Variants in ETF1 observed in about 807,000 individuals in gnomAD.
ETF1 encodes the protein eukaryotic translation termination factor 1, also known as eukaryotic peptide chain release factor subunit 1.
A neutral mutation model predicts 55.1 loss-of-function variants in ETF1; 4 were observed. The ratio of observed to expected loss-of-function variants is 0.07; its 90% confidence interval spans 0.04 to 0.17. ETF1 has a LOEUF of 0.17. ETF1 is among the 10% of genes least tolerant of loss of function. The probability of loss-of-function intolerance (pLI) is 1.00; values close to 1 mark genes in which losing one functional copy is unlikely to be tolerated. For synonymous variants in ETF1, 157 were observed against 182.3 expected, an observed-to-expected ratio of 0.86 and a Z score of 1.12; for missense variants, 142 against 523.6, an observed-to-expected ratio of 0.27 and a Z score of 7.11.
intron 4 of ETF1, among the ~76,000 whole-genome samples, chr5:138,515,209 T>A (rs1487620974): frequency 3.9e-5 from 6 of 152,130 alleles, no homozygotes; most frequent in Non-Finnish European, 7.3e-5. Flanking sequence ...GGTGGATCAC[T>A]CGAGGTCAGG....
At chr5:138,543,017 G>C (rs531955579) in intron 1 of ETF1, 80 bp downstream of exon 1, 16 of 1,316,932 alleles carry the variant, frequency 1.2e-5, no homozygotes, top group Non-Finnish European at 1.7e-5. Flanking sequence ...CCCCTTCCTC[G>C]CCATCCCCCA....
chr5:138,522,866 C>T lies in ETF1; in HGVS notation c.87-3999G>A, dbSNP rs530072764. 9.5e-4 allele frequency among the ~76,000 whole-genome samples: 144 copies of T among 151,940 alleles called. 2 individuals are homozygous for T. Among genetic ancestry groups the T allele is most frequent in the African/African-American group, 3.1e-3 (129 of 41,436 alleles). On this transcript the variant is annotated intron_variant, in intron 2 of 10. Coordinates refer to ENST00000360541, the MANE Select transcript of ETF1 (RefSeq NM_004730.4). ...CTAAAAATACAAAAAATTAGCCGGG[C>T]GCAGTGGCAGGCGCCTGTAGTCTCA...
chr5:138,531,909 TG>T (rs1447797329), intron 2 of ETF1, among the ~76,000 whole-genome samples: 1 of 151,974 alleles, frequency 6.6e-6, no homozygotes, highest in African/African-American at 2.4e-5. Context: ...TAGCCGGGCG[TG>T]GTGGCGGGCG....
chr5:138,540,423 A>G (rs1390102431), intron 2 of ETF1, among the ~76,000 whole-genome samples: 1 of 152,178 alleles, frequency 6.6e-6, no homozygotes, highest in Non-Finnish European at 1.5e-5. Context: ...TTCTAAAGAT[A>G]TTTTATCACT....
intron 4 of ETF1, among the ~76,000 whole-genome samples, chr5:138,515,101 C>A (rs1406512522): frequency 6.6e-6 from 1 of 152,234 alleles, no homozygotes; most frequent in Admixed American, 6.5e-5. Flanking sequence ...AAGAATCCAT[C>A]TTTAACAAAC....
chr5:138,518,034 TCTACGAAAAA>T (rs1765090974), intron 3 of ETF1: 1 of 207,698 alleles, frequency 4.8e-6, no homozygotes, highest in Non-Finnish European at 8.4e-6. Flanking sequence ...AAACCCCATC[TCTACGAAAAA>T]TACAAAAAGT....
intron 2 of ETF1, among the ~76,000 whole-genome samples, chr5:138,529,959 T>C (rs1765627614): frequency 6.6e-6 from 1 of 152,114 alleles, no homozygotes; most frequent in Non-Finnish European, 1.5e-5. Flanking sequence ...CCCAGGCTGG[T>C]CACGAACTCT....
intron 9 of ETF1, 34 bp downstream of exon 9, chr5:138,510,531 C>T (rs1464745431): frequency 1.3e-6 from 2 of 1,509,512 alleles, no homozygotes; most frequent in Admixed American, 3.3e-5. Context: ...TTTACGCTTG[C>T]ACGTATCATC....
At position 138,524,867 on chromosome 5, in the gene ETF1, T is replaced by C. The variant is rs190847262; in HGVS notation, c.87-6000A>G. Among the ~76,000 whole-genome samples, 1,466 of 152,036 alleles carry C rather than the reference T, an allele frequency of 9.6e-3. 11 individuals carry two copies. Among genetic ancestry groups the C allele is most frequent in the Non-Finnish European group, 0.015 (1,003 of 67,974 alleles). ...CTGGGATTACAGGCATGAGCCACCG[T>C]GCCCGGCCAGGATATTTCTTTCTTT... is the stretch of plus-strand genomic sequence containing the variant. On this transcript the variant is annotated intron_variant, in intron 2 of 10. Transcript: ENST00000360541.
In ETF1 at chr5:138,510,357, CAAAAAAAAAAAAAAAAAAAA is replaced by C. The variant is rs57906231; in HGVS notation, c.1083+188_1083+207del. On this transcript the variant is annotated intron_variant, in intron 9 of 10. Transcript: ENST00000360541. ...TGGGCAACAGAGCAAGACCTTGTCT[CAAAAAAAAAAAAAAAAAAAA>C]AAAAAAAAAAAGCTGCAGCTCCTTC... Among the ~76,000 whole-genome samples the C allele has an allele frequency of 3.4e-4, 22 of 64,806 alleles. 1 individual carries two copies. The East Asian group carries it at 7.5e-3, about 22-fold the overall frequency. 42.5% of individuals were successfully genotyped at this position (64,806 alleles called of 152,430 possible).
At chr5:138,514,029 A>T in intron 4 of ETF1, 4 of 553,430 alleles carry the variant, frequency 7.2e-6, no homozygotes, top group Non-Finnish European at 9.2e-6. Flanking sequence ...AATACTACTC[A>T]ATCTCAAAAA....
At chr5:138,511,370 A>ATACATACAATCACG (rs1370337811) in intron 7 of ETF1, 105 bp downstream of exon 7, 3 of 1,529,962 alleles carry the variant, frequency 2.0e-6, no homozygotes, top group Non-Finnish European at 2.6e-6. Flanking sequence ...ACCTTGTCTC[A>ATACATACAATCACG]TACATACAAT....
intron 2 of ETF1, among the ~76,000 whole-genome samples, chr5:138,524,925 TTTTAC>T: frequency 6.6e-6 from 1 of 152,016 alleles, no homozygotes; most frequent in South Asian, 2.1e-4. Flanking sequence ...TTTTTTTCTT[TTTTAC>T]ATTTTTGGAA....
At chr5:138,542,122 C>G (rs976317460) in intron 2 of ETF1, among the ~76,000 whole-genome samples, 1 of 152,176 alleles carries the variant, frequency 6.6e-6, no homozygotes, top group African/African-American at 2.4e-5. Context: ...GGCCCCCTAA[C>G]CCGTATTTCT....
intron 9 of ETF1, among the ~76,000 whole-genome samples, chr5:138,509,792 G>A (rs1764690763): frequency 6.6e-6 from 1 of 151,648 alleles, no homozygotes; most frequent in Non-Finnish European, 1.5e-5. Context: ...CTACTCGGGA[G>A]GCTGAGGCAG....
intron 8 of ETF1, 129 bp downstream of exon 8, chr5:138,510,916 T>C (rs1764749575): frequency 1.3e-6 from 2 of 1,485,692 alleles, no homozygotes; most frequent in East Asian, 2.4e-5. Flanking sequence ...TGCTACAGAC[T>C]GAAGGACTGG....
At chr5:138,522,345 A>G (rs1354421993) in intron 2 of ETF1, among the ~76,000 whole-genome samples, 5 of 152,194 alleles carry the variant, frequency 3.3e-5, no homozygotes, top group Non-Finnish European at 7.3e-5. Flanking sequence ...GTGTGAGGAG[A>G]CATTTCTACA....
chr5:138,542,180 C>G (rs1227652203), intron 2 of ETF1, among the ~76,000 whole-genome samples: 3 of 152,152 alleles, frequency 2.0e-5, no homozygotes, highest in African/African-American at 7.2e-5. Flanking sequence ...ACCCAGCACC[C>G]CTCACATCGC....
intron 9 of ETF1, 144 bp downstream of exon 9, chr5:138,510,421 T>C: frequency 2.6e-6 from 1 of 379,344 alleles, no homozygotes. Context: ...CAGATTCGTA[T>C]GTGGCAGATA....
Sources: allele counts gnomAD v4.1 joint callset (sites outside exome capture counted in the v4.1 genomes callset), GRCh38; gene constraint gnomAD v4.1.1; transcripts MANE v1.5; gene names NCBI Gene and HGNC (gene_info 2026-07-23, HGNC 2026-07-21).